Variants in SPIN1 observed in about 807,000 individuals in gnomAD.
The protein encoded by SPIN1 is spindlin 1, also known as spindlin-1.
In SPIN1, 3 loss-of-function variants were observed where a neutral mutation model predicts 26.0. That is an observed-to-expected ratio of 0.12 (90% CI 0.05 to 0.30). The LOEUF is 0.30. Ranked by LOEUF, SPIN1 falls within the 10% of genes least tolerant of loss-of-function variation. The pLI, the probability that SPIN1 is intolerant of heterozygous loss-of-function variation, is 1.00. For missense variants in SPIN1, 126 were observed against 333.4 expected (o/e 0.38, Z 4.84); for synonymous variants, 101 against 116.5 (o/e 0.87, Z 0.86).
Position 88,394,808 on chromosome 9 carries a change from A to ATTT in SPIN1, c.-159+6287_-159+6289dup, listed in dbSNP as rs397952642. 1.4e-3 allele frequency among the ~76,000 whole-genome samples: 163 copies of ATTT among 114,056 alleles called. 3 individuals carry two copies. Among genetic ancestry groups the ATTT allele is most frequent in the African/African-American group, 4.8e-3 (145 of 29,972 alleles). The allele number at this position is 114,056 out of a possible 152,430, so 74.8% of individuals were successfully genotyped here. On this transcript the variant is annotated intron_variant, in intron 1 of 5. Coordinates refer to ENST00000375859, the MANE Select transcript of SPIN1 (RefSeq NM_006717.3). Reference sequence around the variant, plus strand: ...ATTGCTTTAGTTTTTTATTTAATGTATTTTTTTTTTTTTTTTTTTGAGACA... The same window carrying ATTT: ...ATTGCTTTAGTTTTTTATTTAATGTATTTTTTTTTTTTTTTTTTTTTTGAGACA...
chr9:88,411,218 C>T, intron 1 of SPIN1: 2 of 1,182,278 alleles, frequency 1.7e-6, no homozygotes, highest in Non-Finnish European at 1.2e-6. Flanking sequence ...TTCCACAAGT[C>T]TTCTGTTCAC....
rs1036294115 is a variant in SPIN1 at position 88,465,175 on chromosome 9, A to G, written c.355+2426A>G. 2.6e-5 allele frequency among the ~76,000 whole-genome samples: 4 copies of G among 152,328 alleles called. No individual in the cohort carries two copies. The South Asian group carries it at 6.2e-4, about 24-fold the overall frequency. ...ATTAATGGACATTTGGATTGCTTCT[A>G]CCTCTTGGTAGAATGTAAAATTGTA... On this transcript the variant is annotated intron_variant, in intron 4 of 5. Coordinates refer to ENST00000375859, the MANE Select transcript of SPIN1 (RefSeq NM_006717.3).
Position 88,466,305 on chromosome 9 carries a change from C to G in SPIN1, c.356-2067C>G, listed in dbSNP as rs116455488. 7.4e-3 allele frequency among the ~76,000 whole-genome samples: 1,130 copies of G among 152,198 alleles called. 16 individuals carry two copies. Among genetic ancestry groups the G allele is most frequent in the African/African-American group, 0.025 (1,057 of 41,530 alleles). On this transcript the variant is annotated intron_variant, in intron 4 of 5. Coordinates refer to ENST00000375859, the MANE Select transcript of SPIN1 (RefSeq NM_006717.3). Reference sequence around the variant, plus strand: ...TCCTGAGTTGCTGGGACTACAGGCACTCACCACAGTACCCTGCTAATTTTT... The same window carrying G: ...TCCTGAGTTGCTGGGACTACAGGCAGTCACCACAGTACCCTGCTAATTTTT...
At chr9:88,473,420 T>C (rs917176593) in intron 5 of SPIN1, among the ~76,000 whole-genome samples, 1 of 152,010 alleles carries the variant, frequency 6.6e-6, no homozygotes, top group African/African-American at 2.4e-5. Context: ...TTGTGTACAT[T>C]TGTTATAAAG....
chr9:88,465,202 C>T (rs1419223800), intron 4 of SPIN1, among the ~76,000 whole-genome samples: 3 of 152,078 alleles, frequency 2.0e-5, no homozygotes, highest in African/African-American at 7.2e-5. Context: ...AAAATTGTAC[C>T]ATGTAAAATT....
chr9:88,472,643 C>T (rs376508597), intron 5 of SPIN1, among the ~76,000 whole-genome samples: 8 of 152,264 alleles, frequency 5.3e-5, no homozygotes, highest in African/African-American at 1.4e-4. Context: ...CAGGCACACG[C>T]CACCACGCCC....
chr9:88,420,885 T>A (rs1827655826), intron 1 of SPIN1, among the ~76,000 whole-genome samples: 1 of 152,234 alleles, frequency 6.6e-6, no homozygotes, highest in Non-Finnish European at 1.5e-5. Flanking sequence ...AGATTTGATT[T>A]TGAATTATTT....
intron 1 of SPIN1, among the ~76,000 whole-genome samples, chr9:88,422,645 GAGAA>G (rs1827691203): frequency 6.6e-6 from 1 of 152,072 alleles, no homozygotes; most frequent in African/African-American, 2.4e-5. Flanking sequence ...ACTCAAAAAA[GAGAA>G]AGGACTCTAA....
chr9:88,468,631 A>G, intron 5 of SPIN1, 26 bp downstream of exon 5: 2 of 1,364,360 alleles, frequency 1.5e-6, no homozygotes, highest in Non-Finnish European at 1.9e-6. Context: ...CAACTTTTAT[A>G]TGTGATAATT....
At chr9:88,402,031 C>G (rs1827197846) in intron 1 of SPIN1, among the ~76,000 whole-genome samples, 1 of 152,158 alleles carries the variant, frequency 6.6e-6, no homozygotes, top group Non-Finnish European at 1.5e-5. Flanking sequence ...CGCTCTGTTG[C>G]TCAGGCTGGA....
Position 88,420,800 on chromosome 9 carries a change from A to G in SPIN1, c.-158-5582A>G, listed in dbSNP as rs112207388. Among the ~76,000 whole-genome samples, 523 of 152,338 alleles carry G rather than the reference A, an allele frequency of 3.4e-3. 1 individual carries two copies. Among genetic ancestry groups the G allele is most frequent in the Middle Eastern group, 0.014 (4 of 294 alleles). On this transcript the variant is annotated intron_variant, in intron 1 of 5. Transcript: ENST00000375859. ...GAGGCTAATTCATTATCAGAGGACT[A>G]AAGCTGCCTGTCATGTGACTCAGAT...
chr9:88,476,596 G>GT lies in SPIN1; in HGVS notation c.*1322dup, dbSNP rs1240257774. ...AAGCGTTACCATAGAAGAGCCAGCCGTTTGTGTTCGCTTGGTAGGTGTAAG... is the reference window on the plus strand; with the variant it reads ...AAGCGTTACCATAGAAGAGCCAGCCGTTTTGTGTTCGCTTGGTAGGTGTAAG... On this transcript the variant is annotated 3_prime_UTR_variant, in exon 6 of 6. Transcript: ENST00000375859. The GT allele has an allele frequency of 6.6e-5, 10 of 152,214 alleles. No homozygotes were observed. Among genetic ancestry groups the GT allele is most frequent in the Non-Finnish European group, 1.2e-4 (8 of 68,062 alleles). The allele number at this position is 152,214 out of a possible 1,614,324, so 9.4% of individuals were successfully genotyped here.
intron 1 of SPIN1, among the ~76,000 whole-genome samples, chr9:88,400,536 C>T (rs1184824786): frequency 6.6e-6 from 1 of 152,116 alleles, no homozygotes; most frequent in Non-Finnish European, 1.5e-5. Flanking sequence ...ACTGACCATT[C>T]ACTCACCTTC....
chr9:88,420,371 G>A (rs1004221039), intron 1 of SPIN1, among the ~76,000 whole-genome samples: 5 of 152,156 alleles, frequency 3.3e-5, no homozygotes, highest in Admixed American at 6.5e-5. Context: ...GTGAGACTCC[G>A]TCTCAACAAA....
chr9:88,470,700 T>A (rs1042987719), intron 5 of SPIN1, among the ~76,000 whole-genome samples: 1 of 151,100 alleles, frequency 6.6e-6, no homozygotes. Flanking sequence ...GTTCAAGCCA[T>A]TCTCCTGCCT....
chr9:88,415,233 G>T (rs766440894), intron 1 of SPIN1, among the ~76,000 whole-genome samples: 4 of 151,976 alleles, frequency 2.6e-5, no homozygotes, highest in Non-Finnish European at 5.9e-5. Context: ...AGAGAATTTG[G>T]GCTCTGAAGG....
At chr9:88,421,618 G>A (rs543388114) in intron 1 of SPIN1, among the ~76,000 whole-genome samples, 29 of 75,810 alleles carry the variant, frequency 3.8e-4, no homozygotes, top group Admixed American at 2.1e-3. Context: ...CCCTCCCCCC[G>A]CCCCAACAAA....
In SPIN1 at chr9:88,421,824, G is replaced by T. The variant is rs565840709; in HGVS notation, c.-158-4558G>T. On this transcript the variant is annotated intron_variant, in intron 1 of 5. Coordinates refer to ENST00000375859, the MANE Select transcript of SPIN1 (RefSeq NM_006717.3). ...TGTCTAAGTTGCTTCTGCATCACCT[G>T]TATTTCTGTAAACTAGAAATTCGAT... is the stretch of plus-strand genomic sequence containing the variant. 9.1e-4 allele frequency among the ~76,000 whole-genome samples: 138 copies of T among 151,652 alleles called. 1 individual carries two copies. Among genetic ancestry groups the T allele is most frequent in the African/African-American group, 3.3e-3 (136 of 41,344 alleles).
intron 5 of SPIN1, among the ~76,000 whole-genome samples, chr9:88,474,124 T>A (rs909231237): frequency 4.6e-5 from 7 of 152,246 alleles, no homozygotes; most frequent in Non-Finnish European, 7.3e-5. Context: ...ATGACATTAC[T>A]ACCAATTGTG....
Sources: gnomAD v4.1 joint callset for allele counts (sites outside exome capture counted in the v4.1 genomes callset) on GRCh38, gnomAD v4.1.1 for gene constraint, MANE v1.5 for transcripts, NCBI Gene and HGNC (gene_info 2026-07-23, HGNC 2026-07-21) for gene names.